The following PPM1L variants were observed in gnomAD, a reference collection of about 807,000 sequenced individuals.
The protein encoded by PPM1L is protein phosphatase 1L.
PPM1L carries 13 observed loss-of-function variants against 31.4 expected under a neutral mutation model. The ratio of observed to expected loss-of-function variants is 0.41; its 90% CI spans 0.27 to 0.66. PPM1L has a LOEUF of 0.66. PPM1L is among the 30% of genes least tolerant of loss of function. The pLI, the probability that PPM1L is intolerant of heterozygous loss-of-function variation, is 0.29. For synonymous variants in PPM1L, 184 were observed against 175.4 expected, an observed-to-expected ratio of 1.05 and a Z score of -0.39; for missense variants, 326 against 453.7, an observed-to-expected ratio of 0.72 and a Z score of 2.56.
In PPM1L at chr3:160,939,036, C is replaced by T. The variant is rs574394989; in HGVS notation, c.400-22700C>T. Among the ~76,000 whole-genome samples the T allele has an allele frequency of 8.5e-5, 13 of 152,248 alleles. No individual in the cohort carries two copies. The South Asian group carries it at 2.3e-3, about 27-fold the overall frequency. ...CTGAAAAATAGGTATAGAAATAGCA[C>T]ATATGTTTGAGAGTCATAATGAGGA... On this transcript the variant is annotated intron_variant, in intron 1 of 3. Transcript: ENST00000498165.
chr3:160,926,607 T>C (rs1559890128), intron 1 of PPM1L, among the ~76,000 whole-genome samples: 2 of 152,212 alleles, frequency 1.3e-5, no homozygotes, highest in African/African-American at 4.8e-5. Flanking sequence ...GAATTGACTT[T>C]GGAGCAAAAG....
At chr3:160,873,276 C>A (rs1712383512) in intron 1 of PPM1L, among the ~76,000 whole-genome samples, 1 of 152,172 alleles carries the variant, frequency 6.6e-6, no homozygotes, top group Non-Finnish European at 1.5e-5. Flanking sequence ...AAACACAGTA[C>A]TGCTTATATT....
intron 2 of PPM1L, among the ~76,000 whole-genome samples, chr3:160,969,287 T>C (rs1470492928): frequency 2.0e-5 from 3 of 152,224 alleles, no homozygotes; most frequent in Non-Finnish European, 2.9e-5. Context: ...GAATGTGCTC[T>C]AAGCAGCTTA....
rs932456352 is a variant in PPM1L at position 160,789,666 on chromosome 3, A to G, written c.399+32959A>G. On this transcript the variant is annotated intron_variant, in intron 1 of 3. Transcript: ENST00000498165. ...AAGAATTTTTCAAAATTTGTAGTTTATATTGAAGTTTATCAAATATGTTTT... is the reference window on the plus strand; with the variant it reads ...AAGAATTTTTCAAAATTTGTAGTTTGTATTGAAGTTTATCAAATATGTTTT... Among the ~76,000 whole-genome samples, 31 of 152,134 alleles carry G rather than the reference A, an allele frequency of 2.0e-4. 1 individual carries two copies. Among genetic ancestry groups the G allele is most frequent in the Admixed American group, 1.9e-3 (29 of 15,274 alleles).
At chr3:160,855,394 G>T (rs35784109) in intron 1 of PPM1L, among the ~76,000 whole-genome samples, 66 of 151,712 alleles carry the variant, frequency 4.4e-4, no homozygotes, top group South Asian at 4.2e-3. Context: ...TTAAATTAAA[G>T]AACTCTGCAC....
At chr3:160,893,989 A>T in intron 1 of PPM1L, among the ~76,000 whole-genome samples, 1 of 152,212 alleles carries the variant, frequency 6.6e-6, no homozygotes, top group East Asian at 1.9e-4. Context: ...ATCTTGCTCA[A>T]CTAGGCTAAT....
intron 1 of PPM1L, among the ~76,000 whole-genome samples, chr3:160,811,951 G>A (rs1016850876): frequency 3.3e-5 from 5 of 152,182 alleles, no homozygotes; most frequent in Admixed American, 2.6e-4. Context: ...GGCTTGCCAG[G>A]CACTTGGTGT....
At chr3:160,763,822 G>A (rs1347495921) in intron 1 of PPM1L, among the ~76,000 whole-genome samples, 1 of 152,068 alleles carries the variant, frequency 6.6e-6, no homozygotes, top group African/African-American at 2.4e-5. Flanking sequence ...CAGGAGCGTG[G>A]GCCATTGTTG....
chr3:161,065,650 CCA>C, intron 3 of PPM1L, 86 bp downstream of exon 3: 1 of 1,316,980 alleles, frequency 7.6e-7, no homozygotes, highest in Non-Finnish European at 1.1e-6. Context: ...GATAAAATGT[CCA>C]GTTATGCAGT....
intron 1 of PPM1L, among the ~76,000 whole-genome samples, chr3:160,793,103 G>A (rs1381969175): frequency 1.3e-5 from 2 of 152,160 alleles, no homozygotes; most frequent in African/African-American, 4.8e-5. Context: ...CTGAGGTAGT[G>A]TTTGTCAGGT....
intron 1 of PPM1L, among the ~76,000 whole-genome samples, chr3:160,846,235 C>T (rs529914610): frequency 5.3e-4 from 80 of 152,022 alleles, no homozygotes; most frequent in Admixed American, 1.3e-3. Flanking sequence ...GATCTTTGTT[C>T]ATTCATGGCT....
chr3:160,999,723 A>G (rs1717422975), intron 2 of PPM1L, among the ~76,000 whole-genome samples: 1 of 152,258 alleles, frequency 6.6e-6, no homozygotes, highest in South Asian at 2.1e-4. Flanking sequence ...GCACATGCCA[A>G]GTTTACAATG....
chr3:160,798,819 C>G (rs374226293), intron 1 of PPM1L, among the ~76,000 whole-genome samples: 1 of 152,056 alleles, frequency 6.6e-6, no homozygotes, highest in African/African-American at 2.4e-5. Flanking sequence ...ATAGTGATTC[C>G]TCTGATGGAT....
rs1356061314 is a variant in PPM1L at position 161,072,663 on chromosome 3, G to A, written c.*3506G>A. On this transcript the variant is annotated 3_prime_UTR_variant, in exon 4 of 4. Coordinates refer to ENST00000498165, the MANE Select transcript of PPM1L (RefSeq NM_139245.4). ...TTGACCACAGAAACTTTTTTGAGTA[G>A]CACCTAGTAACATTGCAAGGAACTT... 6.6e-6 allele frequency: 1 copy of A among 152,114 alleles called. No homozygotes were observed. Among genetic ancestry groups the A allele is most frequent in the Non-Finnish European group, 1.5e-5 (1 of 68,022 alleles). 9.4% of individuals were successfully genotyped at this position (152,114 alleles called of 1,614,324 possible). A position where few individuals can be genotyped will look rare whatever the true frequency, so the allele number is the denominator to read the frequency against.
intron 1 of PPM1L, among the ~76,000 whole-genome samples, chr3:160,827,250 T>C (rs1287116007): frequency 1.3e-5 from 2 of 151,548 alleles, no homozygotes; most frequent in Non-Finnish European, 2.9e-5. Context: ...GATCAGCCTC[T>C]GCAAGCCTGG....
At chr3:161,054,530 G>C (rs1719360957) in intron 2 of PPM1L, among the ~76,000 whole-genome samples, 1 of 152,142 alleles carries the variant, frequency 6.6e-6, no homozygotes, top group Non-Finnish European at 1.5e-5. Flanking sequence ...ATTTTATGGA[G>C]ATGGTAGTAA....
chr3:160,760,908 C>A (rs1381940717), intron 1 of PPM1L, among the ~76,000 whole-genome samples: 3 of 152,018 alleles, frequency 2.0e-5, no homozygotes, highest in African/African-American at 7.2e-5. Context: ...TGGTTAAAGC[C>A]CAGAGTTCCA....
At chr3:161,031,598 T>C (rs1246094514) in intron 2 of PPM1L, among the ~76,000 whole-genome samples, 1 of 148,914 alleles carries the variant, frequency 6.7e-6, no homozygotes, top group Non-Finnish European at 1.5e-5. Flanking sequence ...ACTCCTGGGC[T>C]CAAAGGGTCC....
chr3:160,870,878 TAAAAG>T (rs1560133333), intron 1 of PPM1L, among the ~76,000 whole-genome samples: 1 of 151,952 alleles, frequency 6.6e-6, no homozygotes, highest in Non-Finnish European at 1.5e-5. Flanking sequence ...ATAATAATAA[TAAAAG>T]AGAAGACGGC....
Sources: allele counts gnomAD v4.1 joint callset (sites outside exome capture counted in the v4.1 genomes callset), GRCh38; gene constraint gnomAD v4.1.1; transcripts MANE v1.5; gene names NCBI Gene and HGNC (gene_info 2026-07-23, HGNC 2026-07-21).